The following TTC27 variants were observed in gnomAD, a reference collection of about 807,000 sequenced individuals.
The protein encoded by TTC27 is tetratricopeptide repeat protein 27.
TTC27 carries 79 observed loss-of-function variants against 115.9 expected under a neutral mutation model. The observed-to-expected ratio is 0.68, with a 90% CI of 0.57 to 0.82. The LOEUF (loss-of-function observed/expected upper bound fraction) is 0.82. Ranked by LOEUF, TTC27 falls within the 40% of genes least tolerant of loss-of-function variation. TTC27 has a pLI of 0.00. For synonymous variants in TTC27, 401 were observed against 356.0 expected, an observed-to-expected ratio of 1.13 and a Z score of -1.42; for missense variants, 1,054 against 993.1, an observed-to-expected ratio of 1.06 and a Z score of -0.82.
At chr2:32,774,304 C>G (rs1306481369) in intron 13 of TTC27, among the ~76,000 whole-genome samples, 3 of 151,698 alleles carry the variant, frequency 2.0e-5, no homozygotes, top group African/African-American at 7.3e-5. Context: ...CCTCAGTCTC[C>G]CGAGTAGCTG....
At chr2:32,791,349 T>C (rs1435483183) in intron 16 of TTC27, among the ~76,000 whole-genome samples, 1 of 152,218 alleles carries the variant, frequency 6.6e-6, no homozygotes, top group Non-Finnish European at 1.5e-5. Context: ...TATTGCATTA[T>C]TGACATTCAT....
At chr2:32,805,233 C>T (rs1671088527) in intron 16 of TTC27, among the ~76,000 whole-genome samples, 1 of 152,206 alleles carries the variant, frequency 6.6e-6, no homozygotes. Flanking sequence ...ATAGCATCAT[C>T]CTCATAGGGT....
At chr2:32,807,410 T>A (rs1671167437) in intron 16 of TTC27, among the ~76,000 whole-genome samples, 3 of 152,196 alleles carry the variant, frequency 2.0e-5, no homozygotes, top group Non-Finnish European at 1.5e-5. Context: ...TATTAATAGT[T>A]ACTATATTGC....
chr2:32,776,221 A>G (rs969824034), intron 13 of TTC27, among the ~76,000 whole-genome samples: 1 of 152,182 alleles, frequency 6.6e-6, no homozygotes, highest in Non-Finnish European at 1.5e-5. Flanking sequence ...GCAAAGCGTT[A>G]AATGGCCCAA....
chr2:32,674,759 A>G (rs1666137201), intron 8 of TTC27, among the ~76,000 whole-genome samples: 2 of 151,274 alleles, frequency 1.3e-5, no homozygotes, highest in African/African-American at 4.9e-5. Context: ...TTCTGGGTTC[A>G]TGCCATTCTT....
intron 17 of TTC27, among the ~76,000 whole-genome samples, chr2:32,812,057 G>A (rs1242479488): frequency 6.6e-6 from 1 of 152,156 alleles, no homozygotes. Context: ...ATGGAATTAA[G>A]AGTACCCAGA....
In TTC27 at chr2:32,817,637, T is replaced by C. The variant is rs1221725970; in HGVS notation, c.2409+80T>C. 2.7e-5 allele frequency: 33 copies of C among 1,236,002 alleles called. 1 individual carries two copies. The South Asian group carries it at 3.7e-4, about 14-fold the overall frequency. The allele number at this position is 1,236,002 out of a possible 1,614,324, so 76.6% of individuals were successfully genotyped here. A position where few individuals can be genotyped will look rare whatever the true frequency, so the allele number is the denominator to read the frequency against. ...ATCAGCTTATTGCTGTTAAATCTTC[T>C]TTTACATCAGTGATAATTTTAGGCG... On this transcript the variant is annotated intron_variant, in intron 19 of 19. Transcript: ENST00000317907.
intron 16 of TTC27, among the ~76,000 whole-genome samples, chr2:32,790,030 GA>G (rs548621427): frequency 6.4e-4 from 80 of 124,758 alleles, no homozygotes; most frequent in Non-Finnish European, 1.1e-3. Context: ...TTTCAGAAAA[GA>G]AAAAAAAAAT....
At chr2:32,708,282 AGCGTTT>A (rs1667446209) in intron 10 of TTC27, among the ~76,000 whole-genome samples, 2 of 115,370 alleles carry the variant, frequency 1.7e-5, no homozygotes, top group South Asian at 6.2e-4. Context: ...TTTTCTTAAT[AGCGTTT>A]TCTTTTCTCT....
intron 16 of TTC27, among the ~76,000 whole-genome samples, chr2:32,791,203 C>A (rs1317517263): frequency 6.6e-6 from 1 of 152,170 alleles, no homozygotes; most frequent in East Asian, 1.9e-4. Context: ...AATATCCTTG[C>A]AGACGAATCC....
chr2:32,768,296 A>C (rs879565821), intron 13 of TTC27, among the ~76,000 whole-genome samples: 4 of 152,226 alleles, frequency 2.6e-5, no homozygotes, highest in Non-Finnish European at 5.9e-5. Flanking sequence ...GAATCATCTT[A>C]TAAGTCCCCA....
At chr2:32,815,624 T>C (rs897601315) in intron 18 of TTC27, among the ~76,000 whole-genome samples, 3 of 152,156 alleles carry the variant, frequency 2.0e-5, no homozygotes, top group African/African-American at 7.2e-5. Context: ...ATAGAGTATA[T>C]CTGTCTTTTT....
chr2:32,756,032 C>A (rs1478045874), intron 12 of TTC27, among the ~76,000 whole-genome samples: 1 of 152,252 alleles, frequency 6.6e-6, no homozygotes, highest in Admixed American at 6.5e-5. Flanking sequence ...TGCAGCCTTT[C>A]TGTCTTCAAA....
At chr2:32,686,450 C>T (rs1416457240) in intron 9 of TTC27, among the ~76,000 whole-genome samples, 1 of 151,988 alleles carries the variant, frequency 6.6e-6, no homozygotes, top group East Asian at 1.9e-4. Context: ...ACGTCTGTCT[C>T]CTGGGCTCAA....
intron 13 of TTC27, among the ~76,000 whole-genome samples, chr2:32,761,081 C>G (rs921830081): frequency 3.9e-5 from 6 of 152,158 alleles, no homozygotes; most frequent in African/African-American, 1.4e-4. Flanking sequence ...TAACTGCTTA[C>G]GCGATCTCCC....
chr2:32,687,001 C>T (rs559511842), intron 9 of TTC27, among the ~76,000 whole-genome samples: 16 of 152,216 alleles, frequency 1.1e-4, no homozygotes, highest in South Asian at 8.3e-4. Flanking sequence ...TGCACCACTA[C>T]ACCCAGCTAG....
At chr2:32,651,574 G>A (rs1029079843) in intron 5 of TTC27, among the ~76,000 whole-genome samples, 1 of 152,150 alleles carries the variant, frequency 6.6e-6, no homozygotes, top group Admixed American at 6.5e-5. Context: ...TTGAACTCCC[G>A]ACCTCAGGTA....
intron 8 of TTC27, among the ~76,000 whole-genome samples, chr2:32,676,204 C>T (rs1666197689): frequency 6.6e-6 from 1 of 151,930 alleles, no homozygotes. Flanking sequence ...GGATTTTTAC[C>T]TGACGACCAA....
intron 9 of TTC27, among the ~76,000 whole-genome samples, chr2:32,685,124 G>A (rs1666587593): frequency 1.3e-5 from 2 of 149,814 alleles, no homozygotes; most frequent in Admixed American, 1.3e-4. Flanking sequence ...CCTGCCTCCC[G>A]GTTCAAGTGA....
Sources: allele counts gnomAD v4.1 joint callset (sites outside exome capture counted in the v4.1 genomes callset), GRCh38; gene constraint gnomAD v4.1.1; transcripts MANE v1.5; gene names NCBI Gene and HGNC (gene_info 2026-07-23, HGNC 2026-07-21).